Variants in PIK3CD observed in about 807,000 individuals in gnomAD.
PIK3CD encodes the protein phosphatidylinositol-4,5-bisphosphate 3-kinase catalytic subunit delta, also known as phosphatidylinositol 4,5-bisphosphate 3-kinase catalytic subunit delta isoform.
Under a neutral mutation model 122.9 loss-of-function variants are expected in PIK3CD, and 20 were observed. The ratio of observed to expected loss-of-function variants is 0.16; its 90% CI spans 0.11 to 0.24. PIK3CD has a LOEUF of 0.24. Among genes scored for constraint, PIK3CD ranks in the 10% least tolerant of loss-of-function variants. PIK3CD has a pLI of 1.00. For missense variants in PIK3CD, 787 were observed against 1,406.3 expected, an observed-to-expected ratio of 0.56 and a Z score of 7.04; for synonymous variants, 596 against 593.4, an observed-to-expected ratio of 1.00 and a Z score of -0.06.
At position 9,717,474 on chromosome 1, in the gene PIK3CD, A is replaced by G. The variant is rs1647684892; in HGVS notation, c.931-63A>G. 1 of 1,525,788 alleles carries G rather than the reference A, an allele frequency of 6.6e-7. No homozygotes were observed. The highest frequency in any genetic ancestry group is 9.1e-7 in the Non-Finnish European group (1 of 1,100,260). 94.5% of individuals were successfully genotyped at this position (1,525,788 alleles called of 1,614,324 possible). A position where few individuals can be genotyped will look rare whatever the true frequency, so the allele number is the denominator to read the frequency against. On this transcript the variant is annotated intron_variant, in intron 7 of 23. Coordinates refer to ENST00000377346, the MANE Select transcript of PIK3CD (RefSeq NM_005026.5). The surrounding 1 kb of genome is among the most constrained non-coding windows in gnomAD (Gnocchi z 5.4). ...CCCCCAAGTGGTCACGGGCCTCACC[A>G]TAGGCCAGGGAGACAAGCTGCACTT...
At chr1:9,633,093 C>T in the PIK3CD span, among the ~76,000 whole-genome samples, 1 of 151,962 alleles carries the variant, frequency 6.6e-6, no homozygotes, top group Admixed American at 6.6e-5. Context: ...CATCTCCTGA[C>T]CTCGTGATCC....
chr1:9,721,066 TACCCTGACCACCTCC>T (rs1361270790), intron 13 of PIK3CD, 46 bp from the exon 14 acceptor site: 2 of 1,498,202 alleles, frequency 1.3e-6, no homozygotes, highest in African/African-American at 1.4e-5. Context: ...CCATCACCCT[TACCCTGACCACCTCC>T]ACCCTGACCC....
In PIK3CD at chr1:9,718,951, C is replaced by A; in HGVS notation, c.1242+36C>A. 1 of 1,590,346 alleles carries A rather than the reference C, an allele frequency of 6.3e-7. No homozygotes were observed. Among genetic ancestry groups the A allele is most frequent in the Non-Finnish European group, 8.6e-7 (1 of 1,163,546 alleles). The stretch of plus-strand genomic sequence containing the variant: ...GGGCCGGCTGGGAGGGGTGCAGACC[C>A]CGGAGAGCCAGTACAGCCCCTTGCT... On this transcript the variant is annotated intron_variant, in intron 9 of 23. Coordinates refer to ENST00000377346, the MANE Select transcript of PIK3CD (RefSeq NM_005026.5). This position sits in a 1 kb window ranked among gnomAD's most constrained non-coding sequence, Gnocchi z 7.2.
rs988907475 is a variant in PIK3CD at position 9,722,735 on chromosome 1, C to T, written c.2426+129C>T. 9.5e-5 allele frequency: 79 copies of T among 833,254 alleles called. No individual in the cohort carries two copies. The Middle Eastern group carries it at 1.6e-3, about 17-fold the overall frequency. 51.6% of individuals were successfully genotyped at this position (833,254 alleles called of 1,614,324 possible). A position where few individuals can be genotyped will look rare whatever the true frequency, so the allele number is the denominator to read the frequency against. ...GGGAAAGGGCTTTCCTAGGAAGACC[C>T]GGAGGCGGTTTAACTCTAGGCCAGG... On this transcript the variant is annotated intron_variant, in intron 19 of 23. Coordinates refer to ENST00000377346, the MANE Select transcript of PIK3CD (RefSeq NM_005026.5). This position sits in a 1 kb window ranked among gnomAD's most constrained non-coding sequence, Gnocchi z 7.6.
intron 13 of PIK3CD, 44 bp from the exon 14 acceptor site, chr1:9,721,082 AC>A: frequency 6.6e-7 from 1 of 1,520,626 alleles, no homozygotes. Context: ...GACCACCTCC[AC>A]CCTGACCCCG....
chr1:9,716,181 C>T, intron 5 of PIK3CD, 103 bp downstream of exon 5: 1 of 1,030,638 alleles, frequency 9.7e-7, no homozygotes, highest in Non-Finnish European at 1.5e-6. Flanking sequence ...CCCCCAGTGG[C>T]ATCAGATGGT....
In PIK3CD at chr1:9,719,911, C is replaced by T. The variant is rs369945671; in HGVS notation, c.1243-10C>T. 3.7e-6 allele frequency: 6 copies of T among 1,611,780 alleles called. No homozygotes were observed. In the African/African-American group the frequency reaches 5.3e-5, roughly 14 times the overall value. On this transcript the variant is annotated splice_polypyrimidine_tract_variant and intron_variant, in intron 9 of 23. Transcript: ENST00000377346. The surrounding 1 kb of genome is among the most constrained non-coding windows in gnomAD (Gnocchi z 5.5). Reference sequence around the variant, plus strand: ...GAGTGGCTGTCCTCACCTGCCCTGTCCTTCTGCAGGACTGCCCCATTGCCT... The same window carrying T: ...GAGTGGCTGTCCTCACCTGCCCTGTTCTTCTGCAGGACTGCCCCATTGCCT...
chr1:9,684,124 C>T (rs1321339527), intron 1 of PIK3CD, among the ~76,000 whole-genome samples: 2 of 152,140 alleles, frequency 1.3e-5, no homozygotes, highest in African/African-American at 4.8e-5. Context: ...TGCTGCCATA[C>T]TCTCTTGGCA....
chr1:9,711,546 G>A (rs994779961), intron 3 of PIK3CD, among the ~76,000 whole-genome samples: 6 of 152,140 alleles, frequency 3.9e-5, no homozygotes, highest in East Asian at 1.9e-4. Flanking sequence ...TGCCTCCCAC[G>A]GTGGGCTTTC....
At position 9,652,484 on chromosome 1, in the gene PIK3CD, T is replaced by C. The variant is rs549528441; in HGVS notation, c.-138+682T>C. The C allele has an allele frequency of 6.6e-6, 1 of 152,354 alleles. No individual in the cohort carries two copies. Among genetic ancestry groups the C allele is most frequent in the Non-Finnish European group, 1.5e-5 (1 of 68,038 alleles). 9.4% of individuals were successfully genotyped at this position (152,354 alleles called of 1,614,324 possible). A position where few individuals can be genotyped will look rare whatever the true frequency, so the allele number is the denominator to read the frequency against. ...CTCCCGCGTTGCTCGCCGCGTTTGC[T>C]GCAGCGGCGCAGGCGAGATCAGCTC... On this transcript the variant is annotated intron_variant, in intron 1 of 23. Transcript: ENST00000377346. This position sits in a 1 kb window ranked among gnomAD's most constrained non-coding sequence, Gnocchi z 6.2.
At chr1:9,656,820 G>A (rs901141857) in intron 1 of PIK3CD, among the ~76,000 whole-genome samples, 1 of 151,866 alleles carries the variant, frequency 6.6e-6, no homozygotes, top group African/African-American at 2.4e-5. Context: ...GCACGTGCCT[G>A]TAGTCCCAGC....
chr1:9,723,037 T>TG lies in PIK3CD; in HGVS notation c.2427-84dup. The TG allele has an allele frequency of 7.5e-7, 1 of 1,331,534 alleles. No homozygotes were observed. The highest frequency in any genetic ancestry group is 1.1e-6 in the Non-Finnish European group (1 of 926,360). The allele number at this position is 1,331,534 out of a possible 1,614,324, so 82.5% of individuals were successfully genotyped here. A position where few individuals can be genotyped will look rare whatever the true frequency, so the allele number is the denominator to read the frequency against. ...GGCAGCAGCATCTTCTGTGGCTTTT[T>TG]GGGGCACCATGAGTTTCTGGGGCTC... On this transcript the variant is annotated intron_variant, in intron 19 of 23. Coordinates refer to ENST00000377346, the MANE Select transcript of PIK3CD (RefSeq NM_005026.5). The surrounding 1 kb of genome is among the most constrained non-coding windows in gnomAD (Gnocchi z 4.9).
chr1:9,683,471 C>A (rs200020332), intron 1 of PIK3CD, among the ~76,000 whole-genome samples: 529 of 40,152 alleles, frequency 0.013, 3 homozygotes, highest in South Asian at 0.073. Flanking sequence ...ACAACAACAA[C>A]AAAAAAAACG....
In PIK3CD at chr1:9,720,021, G is replaced by T; in HGVS notation, c.1339+4G>T. The T allele has an allele frequency of 6.2e-7, 1 of 1,613,530 alleles. No homozygotes were observed. The highest frequency in any genetic ancestry group is 1.1e-5 in the South Asian group (1 of 91,088). On this transcript the variant is annotated splice_donor_region_variant and intron_variant, in intron 10 of 23. Transcript: ENST00000377346. The surrounding 1 kb of genome is among the most constrained non-coding windows in gnomAD (Gnocchi z 9.0). Reference sequence around the variant, plus strand: ...TACATGTGGCCCTCCGTCCCAGGTCGGCCCAGGCCCAGGAGGGAGAGGCGT... The same window carrying T: ...TACATGTGGCCCTCCGTCCCAGGTCTGCCCAGGCCCAGGAGGGAGAGGCGT...
intron 2 of PIK3CD, among the ~76,000 whole-genome samples, chr1:9,698,410 G>A (rs1475884556): frequency 1.3e-5 from 2 of 152,188 alleles, no homozygotes; most frequent in East Asian, 3.9e-4. Context: ...CCAAAGTGCT[G>A]GGATTACAGG....
the PIK3CD span, among the ~76,000 whole-genome samples, chr1:9,630,529 T>C: frequency 6.6e-6 from 1 of 152,180 alleles, no homozygotes; most frequent in Admixed American, 6.5e-5. Context: ...CAGATCCATG[T>C]AGAGTCCCTG....
intron 1 of PIK3CD, among the ~76,000 whole-genome samples, chr1:9,690,251 G>T (rs1016906595): frequency 6.6e-6 from 1 of 152,196 alleles, no homozygotes; most frequent in African/African-American, 2.4e-5. Flanking sequence ...CCGGGGGAGC[G>T]CCTTCTCCCT....
intron 2 of PIK3CD, among the ~76,000 whole-genome samples, chr1:9,695,150 A>G (rs1646355113): frequency 6.6e-6 from 1 of 152,196 alleles, no homozygotes; most frequent in African/African-American, 2.4e-5. Context: ...AAGAAGTAAA[A>G]ATTTCAACAG....
At chr1:9,633,305 T>C in the PIK3CD span, among the ~76,000 whole-genome samples, 1 of 152,018 alleles carries the variant, frequency 6.6e-6, no homozygotes, top group African/African-American at 2.4e-5. Context: ...TAACTTTTAT[T>C]TGGGATCATG....
Sources: gnomAD v4.1 joint callset for allele counts (sites outside exome capture counted in the v4.1 genomes callset) on GRCh38, gnomAD v4.1.1 for gene constraint, Gnocchi (gnomAD v3.1) non-coding constraint, MANE v1.5 for transcripts, NCBI Gene and HGNC (gene_info 2026-07-23, HGNC 2026-07-21) for gene names.